TARS2: variants seen among roughly 807,000 people sequenced by gnomAD.
TARS2 encodes the protein threonyl-tRNA synthetase 2, mitochondrial.
A neutral mutation model predicts 94.4 loss-of-function variants in TARS2; 61 were observed. The observed-to-expected ratio is 0.65, with a 90% CI of 0.53 to 0.80. The LOEUF is 0.80. Ranked by LOEUF, TARS2 falls within the 30% of genes least tolerant of loss-of-function variation. The pLI is 0.00. For synonymous variants in TARS2, 359 were observed against 353.4 expected (o/e 1.02, Z -0.18); for missense variants, 704 against 902.5 (o/e 0.78, Z 2.82).
chr1:150,497,527 C>T lies in TARS2; in HGVS notation c.1021-3C>T. The T allele has an allele frequency of 6.2e-7, 1 of 1,613,768 alleles. No individual in the cohort carries two copies. Among genetic ancestry groups the T allele is most frequent in the Non-Finnish European group, 8.5e-7 (1 of 1,179,930 alleles). On this transcript the variant is annotated splice_polypyrimidine_tract_variant and splice_region_variant and intron_variant, in intron 9 of 17. Coordinates refer to ENST00000369064, the MANE Select transcript of TARS2 (RefSeq NM_025150.5). ...CCTTCCATGTCTGTACCCTCCTCTC[C>T]AGGCTGAGTATGCCCATCGTGGTTT...
At chr1:150,491,742 A>G (rs1669394646) in intron 6 of TARS2, 80 bp downstream of exon 6, 1 of 1,422,176 alleles carries the variant, frequency 7.0e-7, no homozygotes, top group Non-Finnish European at 9.9e-7. Flanking sequence ...GGGAAGAAAG[A>G]TAGAAGGTAA....
intron 1 of TARS2, 86 bp from the exon 2 acceptor site, chr1:150,487,772 C>T (rs1570827993): frequency 6.5e-7 from 1 of 1,531,308 alleles, no homozygotes; most frequent in Non-Finnish European, 8.9e-7. Flanking sequence ...ACGAAGTCCA[C>T]TTAACCATCC....
chr1:150,498,297 T>C (rs1456065079), intron 10 of TARS2, among the ~76,000 whole-genome samples: 1 of 152,152 alleles, frequency 6.6e-6, no homozygotes, highest in Admixed American at 6.6e-5. Flanking sequence ...ATGTCTGTTA[T>C]TGTGTTACTG....
chr1:150,505,019 G>A (rs373714201), intron 16 of TARS2, 41 bp downstream of exon 16: 3 of 1,606,324 alleles, frequency 1.9e-6, no homozygotes, highest in Admixed American at 1.7e-5. Flanking sequence ...AGCAGGTCCA[G>A]TAGAGAGTCT....
At chr1:150,488,088 C>G in intron 2 of TARS2, 34 bp downstream of exon 2, 1 of 1,599,514 alleles carries the variant, frequency 6.3e-7, no homozygotes, top group Non-Finnish European at 8.5e-7. Context: ...CCAGGATTAT[C>G]CTTCTGCCCC....
intron 15 of TARS2, 57 bp from the exon 16 acceptor site, chr1:150,504,849 C>T: frequency 1.9e-6 from 3 of 1,608,032 alleles, no homozygotes; most frequent in Admixed American, 3.3e-5. Flanking sequence ...CATACAAGCA[C>T]ACTTCTGGCC....
intron 3 of TARS2, 126 bp from the exon 4 acceptor site, chr1:150,490,475 T>G: frequency 7.2e-7 from 1 of 1,382,780 alleles, no homozygotes; most frequent in Non-Finnish European, 9.7e-7. Context: ...GGATCCCCAT[T>G]TTGTGGTAGT....
intron 7 of TARS2, among the ~76,000 whole-genome samples, chr1:150,492,969 G>A (rs968437731): frequency 1.7e-4 from 25 of 151,086 alleles, no homozygotes; most frequent in East Asian, 4.0e-4. Context: ...TGCAAGCTTC[G>A]CCTCCTGGAT....
chr1:150,504,617 CT>C lies in TARS2; in HGVS notation c.1719-10del, dbSNP rs764353709. The C allele has an allele frequency of 1.4e-5, 23 of 1,611,890 alleles. No homozygotes were observed. Among genetic ancestry groups the C allele is most frequent in the Admixed American group, 5.0e-5 (3 of 59,866 alleles). On this transcript the variant is annotated splice_polypyrimidine_tract_variant and intron_variant, in intron 14 of 17. Transcript: ENST00000369064. ...CTTCCACCATTCCATCCACCCCCCCCTTTTTCCTTTCAAGGCAGGCGGGTGC... is the reference window on the plus strand; with the variant it reads ...CTTCCACCATTCCATCCACCCCCCCCTTTTCCTTTCAAGGCAGGCGGGTGC...
intron 17 of TARS2, among the ~76,000 whole-genome samples, chr1:150,506,248 A>G (rs587650831): frequency 6.6e-6 from 1 of 152,096 alleles, no homozygotes; most frequent in African/African-American, 2.4e-5. Flanking sequence ...AATCCCAGGG[A>G]CTTGTACATG....
At position 150,496,567 on chromosome 1, in the gene TARS2, T is replaced by C. The variant is rs1669671958; in HGVS notation, c.860T>C (p.Leu287Pro). 1 of 1,613,830 alleles carries C rather than the reference T, an allele frequency of 6.2e-7. No homozygotes were observed. Among genetic ancestry groups the C allele is most frequent in the African/African-American group, 1.3e-5 (1 of 74,830 alleles). Residue 287 changes from leucine (L) to proline (P), a missense_variant, in exon 8 of 18, where the codon CTG becomes CCG. Physicochemically the swap from Leu to Pro is moderately conservative, Grantham distance 98. Around this residue, in one of 3 missense-constraint regions of TARS2, gnomAD observed 466 missense variants for 609.5 expected, o/e 0.76. Coordinates refer to ENST00000369064, the MANE Select transcript of TARS2 (RefSeq NM_025150.5). ...SGISFPTTEL[L>P]RVWEAWREEA... ...ATTTCCTTCCCCACAACAGAATTGC[T>C]GAGGGTCTGGGAAGCATGGAGGGAG...
intron 13 of TARS2, among the ~76,000 whole-genome samples, chr1:150,503,185 G>A (rs1310148683): frequency 6.6e-6 from 1 of 152,162 alleles, no homozygotes; most frequent in Admixed American, 6.5e-5. Flanking sequence ...GCATCTGTGT[G>A]GTTTGTGACA....
At position 150,505,578 on chromosome 1, in the gene TARS2, A is replaced by G. The variant is rs1236727072; in HGVS notation, c.1894-13A>G. 1 of 1,610,158 alleles carries G rather than the reference A, an allele frequency of 6.2e-7. No individual in the cohort carries two copies. The highest frequency in any genetic ancestry group is 1.1e-5 in the South Asian group (1 of 90,994). ...CAGTAAATTAACTTCCTGTCACCAA[A>G]CCTCTGTTGCAGGCACAGCAGAGCC... On this transcript the variant is annotated splice_polypyrimidine_tract_variant and intron_variant, in intron 16 of 17. Transcript: ENST00000369064.
intron 13 of TARS2, among the ~76,000 whole-genome samples, chr1:150,502,611 A>G (rs1669978395): frequency 6.6e-6 from 1 of 151,814 alleles, no homozygotes; most frequent in Admixed American, 6.6e-5. Context: ...CTGGTCTCGA[A>G]CTCCTGACCT....
intron 10 of TARS2, 46 bp from the exon 11 acceptor site, chr1:150,498,456 G>T (rs1669765742): frequency 1.3e-6 from 2 of 1,515,484 alleles, no homozygotes; most frequent in Non-Finnish European, 1.8e-6. Context: ...AGTCTTCGGG[G>T]GCTAGTCCTC....
At position 150,492,457 on chromosome 1, in the gene TARS2, A is replaced by C. The variant is rs766368590; in HGVS notation, c.742A>C (p.Thr248Pro). 6.2e-7 allele frequency: 1 copy of C among 1,613,950 alleles called. No individual in the cohort carries two copies. The highest frequency in any genetic ancestry group is 8.5e-7 in the Non-Finnish European group (1 of 1,179,952). ...TTGCCAGGGCCCCCACCTTCGGCAT[A>C]CTGGACAGATTGGAGGACTGAAGCT... ...DLCQGPHLRH[T>P]GQIGGLKLLS... The change falls in exon 7 of 18, where the codon ACT (threonine) becomes CCT (proline). Residue 248 changes from threonine (T) to proline (P), a missense_variant. By Grantham distance (38) the Thr-to-Pro change is conservative. Around this residue, in one of 3 missense-constraint regions of TARS2, gnomAD observed 466 missense variants for 609.5 expected, o/e 0.76. Transcript: ENST00000369064.
At chr1:150,505,475 C>T (rs1670159734) in intron 16 of TARS2, 116 bp from the exon 17 acceptor site, 3 of 925,152 alleles carry the variant, frequency 3.2e-6, no homozygotes, top group Non-Finnish European at 5.3e-6. Context: ...AAGTGGAGAG[C>T]CCCGAGGCAG....
chr1:150,492,515 A>G (rs1381690315), intron 7 of TARS2, 26 bp downstream of exon 7: 1 of 1,611,684 alleles, frequency 6.2e-7, no homozygotes, highest in East Asian at 2.2e-5. Flanking sequence ...GAGTTAGGTT[A>G]AGATTCCTAT....
At chr1:150,488,083 A>G in intron 2 of TARS2, 29 bp downstream of exon 2, 2 of 1,607,306 alleles carry the variant, frequency 1.2e-6, no homozygotes, top group Non-Finnish European at 1.7e-6. Context: ...AACTACCAGG[A>G]TTATCCTTCT....
Sources: allele counts gnomAD v4.1 joint callset (sites outside exome capture counted in the v4.1 genomes callset), GRCh38; gene constraint gnomAD v4.1.1; regional missense constraint gnomAD v4.1.1; transcripts MANE v1.5; gene names NCBI Gene and HGNC (gene_info 2026-07-23, HGNC 2026-07-21).